Variants in TLE6 observed in about 807,000 individuals in gnomAD.
TLE6 encodes TLE family member 6, subcortical maternal complex member.
TLE6 carries 72 observed loss-of-function variants against 77.1 expected under a neutral mutation model. The ratio of observed to expected loss-of-function variants is 0.93; its 90% CI spans 0.77 to 1.14. The LOEUF (loss-of-function observed/expected upper bound fraction) is 1.14. Among genes scored for constraint, TLE6 ranks in the 50% most tolerant of loss-of-function variants. The pLI, the probability that TLE6 is intolerant of heterozygous loss-of-function variation, is 0.00. For synonymous variants in TLE6, 366 were observed against 287.3 expected, an observed-to-expected ratio of 1.27 and a Z score of -2.77; for missense variants, 843 against 747.6, an observed-to-expected ratio of 1.13 and a Z score of -1.49.
At chr19:2,991,393 TATAC>T (rs1405979695) in intron 13 of TLE6, among the ~76,000 whole-genome samples, 32 of 110,058 alleles carry the variant, frequency 2.9e-4, no homozygotes, top group Admixed American at 6.1e-4. Context: ...TATATATATA[TATAC>T]ACACACACAC....
In TLE6 at chr19:2,994,937, C is replaced by G. The variant is rs1195177975; in HGVS notation, c.1652C>G (p.Ser551Cys). 1 of 1,607,700 alleles carries G rather than the reference C, an allele frequency of 6.2e-7. No individual in the cohort carries two copies. Among genetic ancestry groups the G allele is most frequent in the African/African-American group, 1.3e-5 (1 of 74,872 alleles). ...EMSPVTCCDVSSNNRLVVTGS... is the reference protein window; with the variant it reads ...EMSPVTCCDVCSNNRLVVTGS... ...TCTCCAGTCACGTGCTGTGACGTCT[C>G]TTCCAACAACCGCCTCGTTGTCACA... The change falls in exon 17 of 17, where the codon TCT (serine) becomes TGT (cysteine). Residue 551 changes from serine to cysteine, a missense_variant. Ser to Cys is a moderately radical substitution (Grantham distance 112, BLOSUM62 -1). Coordinates refer to ENST00000246112, the MANE Select transcript of TLE6 (RefSeq NM_001143986.2).
At chr19:2,993,026 TAAAAAAAAAAAAA>T (rs377287142) in intron 14 of TLE6, among the ~76,000 whole-genome samples, 1 of 48,340 alleles carries the variant, frequency 2.1e-5, no homozygotes, top group South Asian at 8.7e-4. Flanking sequence ...CCGTCTCTAC[TAAAAAAAAAAAAA>T]AAAAAAAAAA....
chr19:2,984,468 GCTTT>G (rs2088867458), intron 5 of TLE6: 2 of 151,916 alleles, frequency 1.3e-5, no homozygotes, highest in Non-Finnish European at 2.9e-5. Context: ...CACTCGCCTT[GCTTT>G]CTTTTTTTGT....
intron 13 of TLE6, among the ~76,000 whole-genome samples, chr19:2,991,047 T>C (rs1374112786): frequency 1.0e-4 from 13 of 129,662 alleles, no homozygotes; most frequent in African/African-American, 2.1e-4. Context: ...CATACATATA[T>C]GTATACACAC....
At chr19:2,990,320 T>A (rs911696126) in intron 13 of TLE6, among the ~76,000 whole-genome samples, 6 of 151,676 alleles carry the variant, frequency 4.0e-5, no homozygotes, top group Non-Finnish European at 5.9e-5. Flanking sequence ...ATATATAAAT[T>A]GGCCGGGCGC....
Position 2,989,123 on chromosome 19 carries a change from CAAAG to C in TLE6, c.805_808del (p.Lys269AspfsTer45), listed in dbSNP as rs757780927. 6.2e-7 allele frequency: 1 copy of C among 1,614,124 alleles called. No individual in the cohort carries two copies. The highest frequency in any genetic ancestry group is 1.1e-5 in the South Asian group (1 of 91,086). On this transcript the variant is annotated frameshift_variant, in exon 12 of 17. Coordinates refer to ENST00000246112, the MANE Select transcript of TLE6 (RefSeq NM_001143986.2). LOFTEE classifies it high-confidence loss of function. ...AGGCCAGATGCCTTGCCCGGGCAGT[CAAAG>C]AGACTCGCCGTCCCGTGCAAACTGG...
intron 4 of TLE6, among the ~76,000 whole-genome samples, chr19:2,981,880 G>GAGGC (rs2088805264): frequency 2.0e-5 from 3 of 152,070 alleles, no homozygotes; most frequent in African/African-American, 7.2e-5. Context: ...GCTGAGGCAG[G>GAGGC]AGAATCGCTT....
At chr19:2,994,227 G>A in intron 16 of TLE6, 132 bp downstream of exon 16, 1 of 715,366 alleles carries the variant, frequency 1.4e-6, no homozygotes. Context: ...TTTAATCCCA[G>A]CATTTTGGGA....
chr19:2,992,185 A>G (rs2089083907), intron 14 of TLE6, among the ~76,000 whole-genome samples: 1 of 151,720 alleles, frequency 6.6e-6, no homozygotes, highest in African/African-American at 2.4e-5. Flanking sequence ...AAAATACAAA[A>G]ATCAGAGCTG....
chr19:2,988,076 C>A lies in TLE6; in HGVS notation c.703-15C>A, dbSNP rs762634336. On this transcript the variant is annotated splice_polypyrimidine_tract_variant and intron_variant, in intron 10 of 16. Coordinates refer to ENST00000246112, the MANE Select transcript of TLE6 (RefSeq NM_001143986.2). Reference sequence around the variant, plus strand: ...CGGGGAGGCTGGGGGCAGCTGTGATCTCCCCCGCCTGCAGGAGCCTCCTGG... The same window carrying A: ...CGGGGAGGCTGGGGGCAGCTGTGATATCCCCCGCCTGCAGGAGCCTCCTGG... 1.0e-5 allele frequency: 16 copies of A among 1,552,626 alleles called. No individual in the cohort carries two copies. Among genetic ancestry groups the A allele is most frequent in the East Asian group, 2.4e-5 (1 of 40,952 alleles).
chr19:2,995,061 C>G lies in TLE6; in HGVS notation c.*57C>G, dbSNP rs1428765664. On this transcript the variant is annotated 3_prime_UTR_variant, in exon 17 of 17. Coordinates refer to ENST00000246112, the MANE Select transcript of TLE6 (RefSeq NM_001143986.2). ...CCTCTTTTCATCCCCCCCCTTCCCC[C>G]CCCCCAACAAGGGGGACATGGTGGA... 7.8e-6 allele frequency: 8 copies of G among 1,030,650 alleles called. 1 individual carries two copies. Among genetic ancestry groups the G allele is most frequent in the South Asian group, 5.6e-5 (4 of 70,878 alleles). The allele number at this position is 1,030,650 out of a possible 1,614,324, so 63.8% of individuals were successfully genotyped here.
At chr19:2,981,443 C>T in intron 3 of TLE6, 95 bp from the exon 4 acceptor site, 1 of 1,392,698 alleles carries the variant, frequency 7.2e-7, no homozygotes, top group Non-Finnish European at 9.9e-7. Context: ...CTTCCAGCTT[C>T]ATTGAGACCC....
intron 5 of TLE6, among the ~76,000 whole-genome samples, chr19:2,986,424 T>C (rs949889535): frequency 7.3e-6 from 1 of 136,208 alleles, no homozygotes; most frequent in African/African-American, 2.8e-5. Flanking sequence ...TGCAAAAAAG[T>C]AGATGAAGGC....
chr19:2,988,117 T>C lies in TLE6; in HGVS notation c.729T>C (p.Phe243=). 3 of 1,551,858 alleles carry C rather than the reference T, an allele frequency of 1.9e-6. No individual in the cohort carries two copies. Among genetic ancestry groups the C allele is most frequent in the Non-Finnish European group, 2.6e-6 (3 of 1,147,064 alleles). Residue 243 remains phenylalanine, a synonymous_variant, in exon 11 of 17, where the codon TTT becomes TTC. Transcript: ENST00000246112. Reference sequence around the variant, plus strand: ...AGCCTCCTGGAAGAGCCTCTCGGTTTCTACAGTCCATGTAAGTGTCTGCAC... The same window carrying C: ...AGCCTCCTGGAAGAGCCTCTCGGTTCCTACAGTCCATGTAAGTGTCTGCAC... The part of the protein sequence containing the change: ...VQEPPGRASR[F]LQSISWDPED...
At chr19:2,987,863 T>G in intron 9 of TLE6, 35 bp from the exon 10 acceptor site, 1 of 1,613,252 alleles carries the variant, frequency 6.2e-7, no homozygotes, top group South Asian at 1.1e-5. Context: ...GAGGAGCCAA[T>G]GCAAGCCGCT....
At position 2,991,867 on chromosome 19, in the gene TLE6, A is replaced by G. The variant is rs147020368; in HGVS notation, c.1269A>G (p.Gly423=). Residue 423 remains glycine, a synonymous_variant, in exon 14 of 17, where the codon GGA becomes GGG. Coordinates refer to ENST00000246112, the MANE Select transcript of TLE6 (RefSeq NM_001143986.2). The stretch of plus-strand genomic sequence containing the variant: ...GGGACCTCAAGGGTTATCCTGATGG[A>G]GTCAAGAGTATCGTGGTCAAGGGCT... ...VVRDLKGYPD[G]VKSIVVKGYN... is the part of the protein sequence containing the mutation. The G allele has an allele frequency of 7.0e-5, 113 of 1,613,642 alleles. 1 individual carries two copies. The African/African-American group carries it at 1.4e-3, about 20-fold the overall frequency.
intron 1 of TLE6, among the ~76,000 whole-genome samples, chr19:2,977,824 C>A (rs190296751): frequency 1.3e-5 from 2 of 152,228 alleles, no homozygotes; most frequent in East Asian, 3.9e-4. Flanking sequence ...CCTTCAAAAC[C>A]CCTTTCTAGT....
chr19:2,989,201 T>G lies in TLE6; in HGVS notation c.881T>G (p.Ile294Ser), dbSNP rs371430440. The change falls in exon 12 of 17, where the codon ATC becomes AGC. Residue 294 changes from isoleucine to serine, a missense_variant. Physicochemically the swap from Ile to Ser is moderately radical, Grantham distance 142. Coordinates refer to ENST00000246112, the MANE Select transcript of TLE6 (RefSeq NM_001143986.2). ...GGGGAGCTCGTGCTCGCCACGGCCATCAGCAGCTTCACGCGGCACGTGTTC... is the reference window on the plus strand; with the variant it reads ...GGGGAGCTCGTGCTCGCCACGGCCAGCAGCAGCTTCACGCGGCACGTGTTC... ...AHGELVLATAISSFTRHVFTC... is the reference protein window; with the variant it reads ...AHGELVLATASSSFTRHVFTC... 1.3e-5 allele frequency: 21 copies of G among 1,614,000 alleles called. No homozygotes were observed. Among genetic ancestry groups the G allele is most frequent in the African/African-American group, 2.7e-5 (2 of 74,940 alleles).
intron 8 of TLE6, 39 bp from the exon 9 acceptor site, chr19:2,987,685 G>T (rs769050276): frequency 6.2e-7 from 1 of 1,609,488 alleles, no homozygotes; most frequent in African/African-American, 1.3e-5. Context: ...GTCCTAACAG[G>T]CAGGTCAGCA....
Sources: allele counts gnomAD v4.1 joint callset (sites outside exome capture counted in the v4.1 genomes callset), GRCh38; gene constraint gnomAD v4.1.1; transcripts MANE v1.5; gene names NCBI Gene and HGNC (gene_info 2026-07-23, HGNC 2026-07-21).